The following OCA2 variants were observed in gnomAD, a reference collection of about 807,000 sequenced individuals.
OCA2 encodes OCA2 melanosomal transmembrane protein, also known as P protein.
OCA2 carries 77 observed loss-of-function variants against 100.2 expected under a neutral mutation model. The ratio of observed to expected loss-of-function variants is 0.77; its 90% CI spans 0.64 to 0.93. OCA2 has a LOEUF of 0.93. Among genes scored for constraint, OCA2 ranks in the 40% least tolerant of loss-of-function variants. OCA2 has a pLI of 0.00. For missense variants in OCA2, 1,062 were observed against 1,089.1 expected (o/e 0.98, Z 0.35); for synonymous variants, 432 against 439.2 (o/e 0.98, Z 0.21).
rs974616049 is a variant in OCA2, at chr15:28,058,813, C to T, written c.227+22835G>A. ...AAGTGGGACTAGAAGAGGTAATAAACGTAGCATCCCAGAGCCCAGTCCAGG... is the reference window on the plus strand; with the variant it reads ...AAGTGGGACTAGAAGAGGTAATAAATGTAGCATCCCAGAGCCCAGTCCAGG... On this transcript the variant is annotated intron_variant, in intron 2 of 23. Transcript: ENST00000354638. Among the ~76,000 whole-genome samples the T allele has an allele frequency of 7.9e-5, 12 of 152,276 alleles. No individual in the cohort carries two copies. In the South Asian group the frequency reaches 2.3e-3, roughly 29 times the overall value.
chr15:27,791,702 C>A (rs914767576), intron 23 of OCA2, among the ~76,000 whole-genome samples: 1 of 152,042 alleles, frequency 6.6e-6, no homozygotes, highest in Non-Finnish European at 1.5e-5. Context: ...TATTGTGGAT[C>A]CTGAGGAGAA....
At chr15:27,893,379 G>GA (rs1392579680) in intron 19 of OCA2, among the ~76,000 whole-genome samples, 1 of 152,092 alleles carries the variant, frequency 6.6e-6, no homozygotes, top group African/African-American at 2.4e-5. Flanking sequence ...AGGGCACCCT[G>GA]AAAAAGTACA....
At chr15:27,875,414 G>A (rs1366590108) in intron 19 of OCA2, among the ~76,000 whole-genome samples, 1 of 152,024 alleles carries the variant, frequency 6.6e-6, no homozygotes, top group Non-Finnish European at 1.5e-5. Context: ...CTATAACTTT[G>A]TAGTAGGTCA....
chr15:28,022,627 T>C, intron 5 of OCA2, 54 bp from the exon 6 acceptor site: 26 of 1,346,876 alleles, frequency 1.9e-5, no homozygotes, highest in Non-Finnish European at 2.8e-5. Flanking sequence ...AGCAGTAAGG[T>C]ATAAATCATT....
At chr15:27,907,326 T>A (rs1268919256) in intron 19 of OCA2, among the ~76,000 whole-genome samples, 1 of 152,182 alleles carries the variant, frequency 6.6e-6, no homozygotes, top group Non-Finnish European at 1.5e-5. Flanking sequence ...AATTACAATT[T>A]TTAAAAAATG....
intron 2 of OCA2, among the ~76,000 whole-genome samples, chr15:28,034,379 A>C (rs2042989849): frequency 6.6e-6 from 1 of 152,218 alleles, no homozygotes; most frequent in Non-Finnish European, 1.5e-5. Flanking sequence ...TGATTCACTG[A>C]GGTTCATTAG....
chr15:27,879,857 T>C (rs1264629519), intron 19 of OCA2, among the ~76,000 whole-genome samples: 1 of 152,196 alleles, frequency 6.6e-6, no homozygotes, highest in Non-Finnish European at 1.5e-5. Context: ...TTAGTTTAAT[T>C]AGATCCCATT....
chr15:27,867,011 G>A (rs557368039), intron 21 of OCA2, among the ~76,000 whole-genome samples: 1 of 152,362 alleles, frequency 6.6e-6, no homozygotes, highest in South Asian at 2.1e-4. Context: ...AGCACTCAGG[G>A]CAAGCTGCAA....
chr15:28,096,078 C>T (rs1303546368), intron 1 of OCA2, among the ~76,000 whole-genome samples: 1 of 151,700 alleles, frequency 6.6e-6, no homozygotes, highest in Admixed American at 6.6e-5. Context: ...GGGGGCCTGG[C>T]TGCGTCTGCA....
intron 19 of OCA2, among the ~76,000 whole-genome samples, chr15:27,902,598 C>T (rs2037995368): frequency 6.6e-6 from 1 of 152,150 alleles, no homozygotes; most frequent in African/African-American, 2.4e-5. Flanking sequence ...ATCCCAGGTT[C>T]CCAGGACACG....
chr15:27,882,284 C>T (rs954454443), intron 19 of OCA2, among the ~76,000 whole-genome samples: 1 of 152,290 alleles, frequency 6.6e-6, no homozygotes, highest in African/African-American at 2.4e-5. Context: ...GGATAATTTA[C>T]ACTGATCTAT....
intron 2 of OCA2, among the ~76,000 whole-genome samples, chr15:28,054,913 G>A (rs1356718225): frequency 1.3e-5 from 2 of 152,176 alleles, no homozygotes; most frequent in Admixed American, 6.5e-5. Flanking sequence ...TGAGAGCAGA[G>A]CAAAGGGGGA....
At chr15:27,979,421 A>T (rs2041072712) in intron 14 of OCA2, among the ~76,000 whole-genome samples, 1 of 152,182 alleles carries the variant, frequency 6.6e-6, no homozygotes, top group African/African-American at 2.4e-5. Flanking sequence ...AACTATTTAT[A>T]TGTTATGTAA....
the OCA2 span, among the ~76,000 whole-genome samples, chr15:27,730,749 A>ATG: frequency 2.3e-5 from 1 of 43,034 alleles, no homozygotes; most frequent in Non-Finnish European, 3.8e-5. Context: ...ATATATATAT[A>ATG]TATATATATA....
At chr15:27,842,824 A>T (rs1477890547) in intron 23 of OCA2, among the ~76,000 whole-genome samples, 9 of 137,658 alleles carry the variant, frequency 6.5e-5, no homozygotes, top group Admixed American at 6.3e-4. Context: ...AACTGCACAC[A>T]CGCACACACA....
intron 23 of OCA2, among the ~76,000 whole-genome samples, chr15:27,767,193 C>G (rs373545893): frequency 6.6e-6 from 1 of 152,170 alleles, no homozygotes; most frequent in South Asian, 2.1e-4. Flanking sequence ...CAAATGGAAA[C>G]CCAAATGAGC....
intron 9 of OCA2, among the ~76,000 whole-genome samples, chr15:28,007,663 G>C (rs2042127842): frequency 6.6e-6 from 1 of 151,980 alleles, no homozygotes. Context: ...CCGGGAGGTG[G>C]AGGTTGCAGT....
At chr15:28,031,545 C>T (rs557211336) in intron 3 of OCA2, among the ~76,000 whole-genome samples, 1 of 152,320 alleles carries the variant, frequency 6.6e-6, no homozygotes, top group African/African-American at 2.4e-5. Context: ...GATTTGTGCC[C>T]AAAAAGGACC....
chr15:27,752,757 C>G (rs968106903), downstream of OCA2, among the ~76,000 whole-genome samples: 1 of 142,940 alleles, frequency 7.0e-6, no homozygotes, highest in Admixed American at 7.1e-5. Flanking sequence ...CCCGTCCAGT[C>G]CCTCTGGACA....
Sources: allele counts gnomAD v4.1 joint callset (sites outside exome capture counted in the v4.1 genomes callset), GRCh38; gene constraint gnomAD v4.1.1; transcripts MANE v1.5; gene names NCBI Gene and HGNC (gene_info 2026-07-23, HGNC 2026-07-21).